BNC2: variants seen among roughly 807,000 people sequenced by gnomAD.
The protein encoded by BNC2 is basonuclin zinc finger protein 2, also known as zinc finger protein basonuclin-2.
A neutral mutation model predicts 76.3 loss-of-function variants in BNC2; 20 were observed. The observed-to-expected ratio is 0.26, with a 90% confidence interval of 0.18 to 0.38. The LOEUF (loss-of-function observed/expected upper bound fraction) is 0.38, where lower values mean the gene tolerates loss of function less well. Ranked by LOEUF, BNC2 falls within the 10% of genes least tolerant of loss-of-function variation. The pLI is 1.00. For missense variants in BNC2, 1,382 were observed against 1,399.8 expected, an observed-to-expected ratio of 0.99 and a Z score of 0.20; for synonymous variants, 582 against 514.8, an observed-to-expected ratio of 1.13 and a Z score of -1.77.
intron 1 of BNC2, among the ~76,000 whole-genome samples, chr9:16,851,527 A>C (rs983290567): frequency 2.0e-5 from 3 of 152,162 alleles, no homozygotes; most frequent in Admixed American, 6.5e-5. Context: ...AATAAAATGA[A>C]AACATAACTA....
chr9:16,555,896 G>A (rs900352909), intron 4 of BNC2, among the ~76,000 whole-genome samples: 3 of 152,184 alleles, frequency 2.0e-5, no homozygotes, highest in African/African-American at 7.2e-5. Context: ...AATATTTTAG[G>A]TTTGTGGGTT....
intron 1 of BNC2, among the ~76,000 whole-genome samples, chr9:16,810,128 T>TA (rs1161516514): frequency 1.3e-5 from 2 of 152,204 alleles, no homozygotes; most frequent in East Asian, 3.9e-4. Flanking sequence ...GCCACTAAGG[T>TA]AACTTATGGT....
intron 5 of BNC2, among the ~76,000 whole-genome samples, chr9:16,469,345 T>G (rs138655303): frequency 2.3e-4 from 35 of 152,314 alleles, no homozygotes; most frequent in African/African-American, 8.2e-4. Flanking sequence ...GTCTTTCCCA[T>G]GCTGTTCTCG....
intron 2 of BNC2, among the ~76,000 whole-genome samples, chr9:16,731,446 C>CA (rs1244858989): frequency 6.6e-6 from 1 of 152,112 alleles, no homozygotes; most frequent in African/African-American, 2.4e-5. Flanking sequence ...ATACTTCCCC[C>CA]ACACCACACC....
rs761546676 is a variant in BNC2, at chr9:16,436,560, G to C, written c.1634C>G (p.Pro545Arg). The C allele has an allele frequency of 1.2e-6, 2 of 1,614,126 alleles. No individual in the cohort carries two copies. The highest frequency in any genetic ancestry group is 2.2e-5 in the East Asian group (1 of 44,870). The change falls in exon 6 of 7, where the codon CCT becomes CGT. Residue 545 changes from proline (P) to arginine (R), a missense_variant. Physicochemically the swap from Pro to Arg is moderately radical, Grantham distance 103. Coordinates refer to ENST00000380672, the MANE Select transcript of BNC2 (RefSeq NM_017637.6). The part of the protein sequence containing the change: ...GRPPMGFTTP[P>R]LDPVLQNPLP... Reference sequence around the variant, plus strand: ...AGGATTTTGCAAGACAGGGTCTAGAGGGGGAGTGGTAAAACCCATTGGGGG... The same window carrying C: ...AGGATTTTGCAAGACAGGGTCTAGACGGGGAGTGGTAAAACCCATTGGGGG...
intron 3 of BNC2, among the ~76,000 whole-genome samples, chr9:16,638,152 A>C (rs942378798): frequency 6.6e-6 from 1 of 152,192 alleles, no homozygotes; most frequent in African/African-American, 2.4e-5. Context: ...CTTTCTCGTG[A>C]TATTTCCACT....
chr9:16,707,027 C>T (rs1209009135), intron 3 of BNC2, among the ~76,000 whole-genome samples: 2 of 152,134 alleles, frequency 1.3e-5, no homozygotes, highest in African/African-American at 4.8e-5. Flanking sequence ...ACGGTGAAAC[C>T]CCGTCTCTAC....
chr9:16,515,723 A>AG (rs1392193839), intron 5 of BNC2, among the ~76,000 whole-genome samples: 2 of 151,488 alleles, frequency 1.3e-5, no homozygotes, highest in Non-Finnish European at 2.9e-5. Flanking sequence ...ATTTGAAAAA[A>AG]AAAAAAAATT....
chr9:16,577,781 C>T (rs1819525975), intron 4 of BNC2, among the ~76,000 whole-genome samples: 1 of 152,156 alleles, frequency 6.6e-6, no homozygotes, highest in Admixed American at 6.5e-5. Context: ...AGCATTCTTG[C>T]AGGCAGACCT....
At chr9:16,653,835 CAT>C (rs1563881716) in intron 3 of BNC2, among the ~76,000 whole-genome samples, 1 of 152,170 alleles carries the variant, frequency 6.6e-6, no homozygotes, top group Admixed American at 6.5e-5. Context: ...CAGCGTCTGA[CAT>C]GTTTCTAGGT....
intron 5 of BNC2, among the ~76,000 whole-genome samples, chr9:16,537,562 G>T (rs1050734355): frequency 1.3e-5 from 2 of 152,008 alleles, no homozygotes; most frequent in Non-Finnish European, 2.9e-5. Flanking sequence ...CACCACAATG[G>T]TATTTAAATT....
intron 1 of BNC2, among the ~76,000 whole-genome samples, chr9:16,758,214 T>C (rs10738459): frequency 0.81 from 123,275 of 152,102 alleles, 51,408 homozygotes; most frequent in Non-Finnish European, 0.91. Context: ...CATCTCTCTC[T>C]GACCACAGCT....
intron 6 of BNC2, among the ~76,000 whole-genome samples, chr9:16,430,326 G>A (rs952835903): frequency 1.6e-4 from 24 of 152,162 alleles, no homozygotes; most frequent in Admixed American, 9.8e-4. Context: ...GCTTTAAAAT[G>A]TTCTCCTCTT....
intron 3 of BNC2, among the ~76,000 whole-genome samples, chr9:16,638,510 T>C (rs1478416138): frequency 6.6e-6 from 1 of 152,152 alleles, no homozygotes; most frequent in East Asian, 1.9e-4. Context: ...AAAAAAAGTC[T>C]TAAGATTACA....
chr9:16,835,253 A>G (rs1285136987), intron 1 of BNC2, among the ~76,000 whole-genome samples: 2 of 152,242 alleles, frequency 1.3e-5, no homozygotes, highest in African/African-American at 4.8e-5. Flanking sequence ...ATCTTCAATC[A>G]ATAGCATTGA....
At chr9:16,858,353 C>A (rs924459363) in intron 1 of BNC2, among the ~76,000 whole-genome samples, 2 of 152,070 alleles carry the variant, frequency 1.3e-5, no homozygotes, top group African/African-American at 2.4e-5. Flanking sequence ...CACAGGGAAC[C>A]AGGAGCTATC....
At chr9:16,491,872 A>G (rs764570129) in intron 5 of BNC2, among the ~76,000 whole-genome samples, 4 of 152,228 alleles carry the variant, frequency 2.6e-5, no homozygotes, top group Non-Finnish European at 5.9e-5. Context: ...CTTCTTTAAA[A>G]TATATTGATG....
rs73646156 is a variant in BNC2, at chr9:16,709,762, G to C, written c.330+18035C>G. Among the ~76,000 whole-genome samples, 1,372 of 152,252 alleles carry C rather than the reference G, an allele frequency of 9.0e-3. 34 individuals carry two copies. The highest frequency in any genetic ancestry group is 0.031 in the African/African-American group (1,270 of 41,522). ...AGTAAGTTTTGTTGCCAAAATTAAAGTATGATCAGACTTAAATTTTCAAAG... is the reference window on the plus strand; with the variant it reads ...AGTAAGTTTTGTTGCCAAAATTAAACTATGATCAGACTTAAATTTTCAAAG... On this transcript the variant is annotated intron_variant, in intron 3 of 6. Coordinates refer to ENST00000380672, the MANE Select transcript of BNC2 (RefSeq NM_017637.6).
chr9:16,776,539 A>G (rs1470713219), intron 1 of BNC2, among the ~76,000 whole-genome samples: 1 of 152,236 alleles, frequency 6.6e-6, no homozygotes, highest in South Asian at 2.1e-4. Context: ...ACACAAAGGA[A>G]AGAAAAACAG....
Sources: gnomAD v4.1 joint callset for allele counts (sites outside exome capture counted in the v4.1 genomes callset) on GRCh38, gnomAD v4.1.1 for gene constraint, MANE v1.5 for transcripts, NCBI Gene and HGNC (gene_info 2026-07-23, HGNC 2026-07-21) for gene names.